STK3: variants seen among roughly 807,000 people sequenced by gnomAD.
The protein encoded by STK3 is serine/threonine kinase 3.
STK3 carries 41 observed loss-of-function variants against 58.0 expected under a neutral mutation model. The observed-to-expected ratio is 0.71, with a 90% confidence interval of 0.55 to 0.92. The LOEUF is 0.92. STK3 is among the 40% of genes least tolerant of loss of function. STK3 has a pLI of 0.00. For missense variants in STK3, 479 were observed against 602.7 expected, an observed-to-expected ratio of 0.79 and a Z score of 2.15; for synonymous variants, 170 against 191.0, an observed-to-expected ratio of 0.89 and a Z score of 0.91.
chr8:98,744,119 T>C (rs1361883018), intron 4 of STK3, among the ~76,000 whole-genome samples: 3 of 152,118 alleles, frequency 2.0e-5, no homozygotes, highest in Non-Finnish European at 1.5e-5. Flanking sequence ...AGGAACACTT[T>C]TACACTGTTG....
chr8:98,855,534 A>G (rs1481392434), intron 3 of STK3, among the ~76,000 whole-genome samples: 1 of 152,236 alleles, frequency 6.6e-6, no homozygotes, highest in Non-Finnish European at 1.5e-5. Flanking sequence ...GTGACATAAT[A>G]GAAGAGCAAA....
At chr8:98,877,789 T>A (rs1397014523) in intron 3 of STK3, among the ~76,000 whole-genome samples, 1 of 152,160 alleles carries the variant, frequency 6.6e-6, no homozygotes, top group Non-Finnish European at 1.5e-5. Flanking sequence ...AGCCCAGTCA[T>A]TCCATGTTTT....
chr8:98,897,826 A>G (rs552715736), intron 1 of STK3, among the ~76,000 whole-genome samples: 1 of 152,298 alleles, frequency 6.6e-6, no homozygotes, highest in East Asian at 1.9e-4. Flanking sequence ...AAATACATAC[A>G]TAATGAATAA....
chr8:98,388,442 T>C (rs543882269), upstream of STK3, among the ~76,000 whole-genome samples: 2 of 152,308 alleles, frequency 1.3e-5, no homozygotes, highest in South Asian at 4.1e-4. Flanking sequence ...AAAAGAGAGA[T>C]GACCAAACAT....
chr8:98,752,431 A>G (rs1355078054), intron 3 of STK3, among the ~76,000 whole-genome samples: 1 of 152,184 alleles, frequency 6.6e-6, no homozygotes. Flanking sequence ...CCCCTCCCTT[A>G]TTATCATGTT....
At chr8:98,837,578 T>A (rs532347559) in intron 3 of STK3, among the ~76,000 whole-genome samples, 14 of 152,112 alleles carry the variant, frequency 9.2e-5, no homozygotes, top group Non-Finnish European at 1.5e-4. Flanking sequence ...ACACTAAGAA[T>A]CTGAAAGACT....
intron 1 of STK3, among the ~76,000 whole-genome samples, chr8:98,939,209 AAGAGGTAG>A (rs2132060467): frequency 6.6e-6 from 1 of 152,316 alleles, no homozygotes; most frequent in East Asian, 1.9e-4. Flanking sequence ...AGGAAGAAGG[AAGAGGTAG>A]GGACGGAGGA....
At chr8:98,869,483 T>C (rs577410408) in intron 3 of STK3, among the ~76,000 whole-genome samples, 2 of 152,222 alleles carry the variant, frequency 1.3e-5, no homozygotes, top group South Asian at 4.2e-4. Context: ...CTGAATAATA[T>C]GGGCAGGCCT....
upstream of STK3, among the ~76,000 whole-genome samples, chr8:98,828,160 G>C (rs1049794673): frequency 6.6e-6 from 1 of 151,798 alleles, no homozygotes; most frequent in Non-Finnish European, 1.5e-5. Context: ...GTTTTTAGTA[G>C]AGACAGGGTT....
chr8:98,344,490 C>T, the STK3 span, among the ~76,000 whole-genome samples: 1 of 152,200 alleles, frequency 6.6e-6, no homozygotes, highest in Non-Finnish European at 1.5e-5. Flanking sequence ...CTGCCCAGTG[C>T]CTTTTAATCC....
At chr8:98,860,032 T>C (rs1836868485) in intron 3 of STK3, among the ~76,000 whole-genome samples, 1 of 152,186 alleles carries the variant, frequency 6.6e-6, no homozygotes, top group Non-Finnish European at 1.5e-5. Context: ...AATTCTGTCA[T>C]TTATTCATGT....
Position 98,509,058 on chromosome 8 carries a change from C to CT in STK3, c.1317+17683dup, listed in dbSNP as rs960353250. Among the ~76,000 whole-genome samples, 13 of 151,314 alleles carry CT rather than the reference C, an allele frequency of 8.6e-5. No individual in the cohort carries two copies. The South Asian group carries it at 1.3e-3, about 15-fold the overall frequency. ...TACTAACTAGTCTTTCCCCAACCAT[C>CT]TTTTTTTTTCATCTGAAAAGTTTAA... On this transcript the variant is annotated intron_variant, in intron 10 of 10. Coordinates refer to ENST00000419617, the MANE Select transcript of STK3 (RefSeq NM_006281.4).
chr8:98,873,647 G>A (rs1418274698), intron 3 of STK3, among the ~76,000 whole-genome samples: 1 of 151,788 alleles, frequency 6.6e-6, no homozygotes, highest in African/African-American at 2.4e-5. Flanking sequence ...TTTTATCAGA[G>A]ACTAGGATTG....
intron 6 of STK3, among the ~76,000 whole-genome samples, chr8:98,653,102 T>C (rs576207080): frequency 3.3e-5 from 5 of 152,300 alleles, no homozygotes; most frequent in Non-Finnish European, 5.9e-5. Flanking sequence ...CCTCAGCAAA[T>C]GTAAAAGAAC....
chr8:98,485,377 A>T (rs1215496574), intron 10 of STK3, among the ~76,000 whole-genome samples: 1 of 152,218 alleles, frequency 6.6e-6, no homozygotes, highest in East Asian at 1.9e-4. Context: ...TAGTCAGCTA[A>T]ATTTTATGGA....
At chr8:98,855,986 G>A (rs749021888) in intron 3 of STK3, among the ~76,000 whole-genome samples, 27 of 151,876 alleles carry the variant, frequency 1.8e-4, no homozygotes, top group Non-Finnish European at 3.4e-4. Flanking sequence ...GCAAAACTCC[G>A]TCTCTACTAA....
At chr8:98,515,079 T>C (rs1422760909) in intron 10 of STK3, among the ~76,000 whole-genome samples, 2 of 152,128 alleles carry the variant, frequency 1.3e-5, no homozygotes, top group Non-Finnish European at 2.9e-5. Context: ...TAGACTCTCT[T>C]CTCTAATTCC....
intron 3 of STK3, among the ~76,000 whole-genome samples, chr8:98,761,628 C>G (rs147530404): frequency 6.6e-6 from 1 of 152,036 alleles, no homozygotes; most frequent in Admixed American, 6.6e-5. Flanking sequence ...TATGGTAATA[C>G]AGTGTTTTTA....
chr8:98,509,196 A>G (rs776785595), intron 10 of STK3, among the ~76,000 whole-genome samples: 4 of 152,112 alleles, frequency 2.6e-5, no homozygotes, highest in Non-Finnish European at 5.9e-5. Flanking sequence ...ATATATTTAG[A>G]CAGAATTAAA....
Sources: allele counts gnomAD v4.1 joint callset (sites outside exome capture counted in the v4.1 genomes callset), GRCh38; gene constraint gnomAD v4.1.1; transcripts MANE v1.5; gene names NCBI Gene and HGNC (gene_info 2026-07-23, HGNC 2026-07-21).